NOVA1: variants seen among roughly 807,000 people sequenced by gnomAD.
NOVA1 encodes the protein NOVA alternative splicing regulator 1.
Under a neutral mutation model 38.0 loss-of-function variants are expected in NOVA1, and 7 were observed. That is an observed-to-expected ratio of 0.18 (90% CI 0.10 to 0.35). The LOEUF is 0.35. Ranked by LOEUF, NOVA1 falls within the 10% of genes least tolerant of loss-of-function variation. The pLI is 1.00. For missense variants in NOVA1, 460 were observed against 616.0 expected (o/e 0.75, Z 2.68); for synonymous variants, 270 against 232.5 (o/e 1.16, Z -1.47).
chr14:26,586,251 T>G (rs1412120120), intron 2 of NOVA1, among the ~76,000 whole-genome samples: 1 of 151,344 alleles, frequency 6.6e-6, no homozygotes, highest in Non-Finnish European at 1.5e-5. Flanking sequence ...AACATAGTCC[T>G]TAAGCCTATA....
intron 2 of NOVA1, among the ~76,000 whole-genome samples, chr14:26,510,933 A>T (rs1166911105): frequency 6.6e-6 from 1 of 152,224 alleles, no homozygotes; most frequent in African/African-American, 2.4e-5. Flanking sequence ...TGGACAAACC[A>T]GACTGGTTAC....
At chr14:26,476,325 T>A (rs191889460) in intron 3 of NOVA1, among the ~76,000 whole-genome samples, 1 of 152,170 alleles carries the variant, frequency 6.6e-6, no homozygotes, top group Non-Finnish European at 1.5e-5. Context: ...ACTTCTTTTT[T>A]TTCCCCCCCA....
At chr14:26,471,985 CA>C (rs1884620892) in intron 4 of NOVA1, 5 of 355,288 alleles carry the variant, frequency 1.4e-5, no homozygotes, top group Admixed American at 1.4e-4. Flanking sequence ...CCTTAACTTA[CA>C]TATGAAAAAT....
intron 2 of NOVA1, among the ~76,000 whole-genome samples, chr14:26,491,534 G>T (rs1250603088): frequency 6.6e-6 from 1 of 152,040 alleles, no homozygotes; most frequent in Non-Finnish European, 1.5e-5. Context: ...CAAGGTCATG[G>T]AGAACTATTT....
chr14:26,516,523 T>G (rs1888476348), intron 2 of NOVA1, among the ~76,000 whole-genome samples: 1 of 152,218 alleles, frequency 6.6e-6, no homozygotes, highest in Non-Finnish European at 1.5e-5. Flanking sequence ...GCAATCCATC[T>G]GTGACTGATT....
chr14:26,596,167 T>C (rs1894174550), intron 1 of NOVA1: 2 of 231,502 alleles, frequency 8.6e-6, no homozygotes, highest in Non-Finnish European at 1.7e-5. Flanking sequence ...CTGGCAAATC[T>C]AACTAATCCT....
At chr14:26,533,052 T>C (rs1889833424) in intron 2 of NOVA1, among the ~76,000 whole-genome samples, 1 of 152,202 alleles carries the variant, frequency 6.6e-6, no homozygotes, top group Non-Finnish European at 1.5e-5. Flanking sequence ...CACATTTTCA[T>C]GTTAATGATA....
rs1377146778 is a variant in NOVA1, at chr14:26,444,824, TAAAG to T, written c.*3131_*3134del. ...GTGCTGAAAGAAAAGCTCCCAGTGA[TAAAG>T]AAAAAAACAAAAAAACAAACAAACA... On this transcript the variant is annotated 3_prime_UTR_variant, in exon 5 of 5. Transcript: ENST00000539517. The T allele has an allele frequency of 7.1e-6, 1 of 141,442 alleles. No individual in the cohort carries two copies. The highest frequency in any genetic ancestry group is 1.5e-5 in the Non-Finnish European group (1 of 64,892). The allele number at this position is 141,442 out of a possible 1,614,324, so 8.8% of individuals were successfully genotyped here.
At chr14:26,596,558 T>C (rs1175539913) in intron 1 of NOVA1, 2 of 1,289,000 alleles carry the variant, frequency 1.6e-6, no homozygotes, top group African/African-American at 3.0e-5. Flanking sequence ...ATGCATATGC[T>C]GGAGATAAAT....
chr14:26,502,639 A>G (rs1228762448), intron 2 of NOVA1, among the ~76,000 whole-genome samples: 5 of 151,058 alleles, frequency 3.3e-5, no homozygotes, highest in Non-Finnish European at 7.4e-5. Flanking sequence ...ATAGTTAACT[A>G]TATTGCAGAA....
At chr14:26,590,469 A>G (rs1041744844) in intron 2 of NOVA1, among the ~76,000 whole-genome samples, 4 of 151,976 alleles carry the variant, frequency 2.6e-5, no homozygotes, top group Non-Finnish European at 2.9e-5. Context: ...AGGTGCTGAA[A>G]TTTAGTTAAC....
At chr14:26,528,992 G>A (rs1406241168) in intron 2 of NOVA1, among the ~76,000 whole-genome samples, 2 of 152,114 alleles carry the variant, frequency 1.3e-5, no homozygotes, top group Non-Finnish European at 2.9e-5. Flanking sequence ...AATTTATGAC[G>A]TGAATGGCTT....
chr14:26,518,300 T>G lies in NOVA1; in HGVS notation c.281-38157A>C, dbSNP rs964384852. ...TCCATAGTTTTCTATGTTATCTAAGTTTTCTGTAGTTTAGTACACTTATAT... is the reference window on the plus strand; with the variant it reads ...TCCATAGTTTTCTATGTTATCTAAGGTTTCTGTAGTTTAGTACACTTATAT... On this transcript the variant is annotated intron_variant, in intron 2 of 4. Transcript: ENST00000539517. 2.0e-5 allele frequency among the ~76,000 whole-genome samples: 3 copies of G among 151,984 alleles called. No homozygotes were observed. The East Asian group carries it at 5.8e-4, about 29-fold the overall frequency.
At chr14:26,560,578 T>C (rs1251878877) in intron 2 of NOVA1, among the ~76,000 whole-genome samples, 1 of 152,210 alleles carries the variant, frequency 6.6e-6, no homozygotes, top group Non-Finnish European at 1.5e-5. Context: ...TATAAAATTC[T>C]ATTAGCCTAA....
chr14:26,570,178 C>T lies in NOVA1; in HGVS notation c.280+25232G>A, dbSNP rs554369676. Among the ~76,000 whole-genome samples, 6 of 152,098 alleles carry T rather than the reference C, an allele frequency of 3.9e-5. 1 individual carries two copies. In the South Asian group the frequency reaches 1.2e-3, roughly 32 times the overall value. On this transcript the variant is annotated intron_variant, in intron 2 of 4. Transcript: ENST00000539517. The stretch of plus-strand genomic sequence containing the variant: ...CCTGGCCAACATGGTGAAACCCTGT[C>T]TCTACTAAAAATACAAAAATTAGCC...
At chr14:26,500,102 T>C (rs1346385515) in intron 2 of NOVA1, among the ~76,000 whole-genome samples, 1 of 152,068 alleles carries the variant, frequency 6.6e-6, no homozygotes, top group African/African-American at 2.4e-5. Context: ...AGAGAAGTGT[T>C]ACCTGGTTTC....
chr14:26,577,689 T>C (rs941714117), intron 2 of NOVA1, among the ~76,000 whole-genome samples: 1 of 152,134 alleles, frequency 6.6e-6, no homozygotes, highest in Admixed American at 6.6e-5. Flanking sequence ...GACTCAAATA[T>C]TTCTGTCCTC....
intron 2 of NOVA1, among the ~76,000 whole-genome samples, chr14:26,499,779 G>C (rs1276516380): frequency 6.6e-6 from 1 of 152,088 alleles, no homozygotes; most frequent in Non-Finnish European, 1.5e-5. Flanking sequence ...AACTCAATCT[G>C]TGTGACTTAT....
chr14:26,583,400 C>CT (rs1357892851), intron 2 of NOVA1, among the ~76,000 whole-genome samples: 3 of 151,350 alleles, frequency 2.0e-5, no homozygotes, highest in Non-Finnish European at 4.4e-5. Flanking sequence ...CTTATGCTTC[C>CT]TTTTTTATAT....
Sources: allele counts gnomAD v4.1 joint callset (sites outside exome capture counted in the v4.1 genomes callset), GRCh38; gene constraint gnomAD v4.1.1; transcripts MANE v1.5; gene names NCBI Gene and HGNC (gene_info 2026-07-23, HGNC 2026-07-21).